XRCC1: variants seen among roughly 807,000 people sequenced by gnomAD.
XRCC1 encodes X-ray repair cross complementing 1.
A neutral mutation model predicts 83.3 loss-of-function variants in XRCC1; 52 were observed. That is an observed-to-expected ratio of 0.62 (90% CI 0.50 to 0.79). The LOEUF is 0.79. XRCC1 is among the 30% of genes least tolerant of loss of function. The pLI, the probability that XRCC1 is intolerant of heterozygous loss-of-function variation, is 0.00. For missense variants in XRCC1, 793 were observed against 823.5 expected (o/e 0.96, Z 0.45); for synonymous variants, 281 against 312.6 (o/e 0.90, Z 1.07).
intron 2 of XRCC1, among the ~76,000 whole-genome samples, chr19:43,564,249 G>A (rs939460): frequency 0.16 from 24,484 of 152,070 alleles, 2,059 homozygotes; most frequent in Non-Finnish European, 0.19. Context: ...ACAGACAGAC[G>A]CAGAACAGGC....
intron 1 of XRCC1, 73 bp from the exon 2 acceptor site, chr19:43,575,075 C>T (rs1317587689): frequency 1.6e-6 from 2 of 1,273,242 alleles, no homozygotes; most frequent in Non-Finnish European, 1.1e-6. Context: ...CAGATGATTC[C>T]TTTGAGTCCT....
chr19:43,559,726 G>T (rs112740111), intron 3 of XRCC1, among the ~76,000 whole-genome samples: 1 of 152,228 alleles, frequency 6.6e-6, no homozygotes, highest in African/African-American at 2.4e-5. Context: ...TGAAGATGTT[G>T]AAATGGGGGA....
chr19:43,543,476 G>A lies in XRCC1; in HGVS notation c.1818C>T (p.Phe606=), dbSNP rs765735154. Residue 606 remains phenylalanine, a synonymous_variant, in exon 17 of 17, where the codon TTC becomes TTT. Transcript: ENST00000262887. The stretch of plus-strand genomic sequence containing the variant: ...AACTGTAGATCCATCGGGGACGAAC[G>A]AATGCCAGGGAGGGGTTGTCCATCA... ...EALMDNPSLA[F]VRPRWIYSCN... is the part of the protein sequence containing the mutation. 6.8e-6 allele frequency: 11 copies of A among 1,613,632 alleles called. No homozygotes were observed. The highest frequency in any genetic ancestry group is 2.7e-5 in the African/African-American group (2 of 74,780).
chr19:43,566,593 A>G (rs542279511), intron 2 of XRCC1, among the ~76,000 whole-genome samples: 2 of 151,592 alleles, frequency 1.3e-5, no homozygotes, highest in South Asian at 4.2e-4. Flanking sequence ...ATGTTTATAC[A>G]TGGAGGCTGG....
In XRCC1 at chr19:43,574,993, C is replaced by T. The variant is rs1972841332; in HGVS notation, c.61G>A (p.Ala21Thr). The change falls in exon 2 of 17, where the codon GCA (alanine) becomes ACA (threonine). Residue 21 changes from alanine to threonine, a missense_variant. Physicochemically the swap from Ala to Thr is moderately conservative, Grantham distance 58 (BLOSUM62 0). Coordinates refer to ENST00000262887, the MANE Select transcript of XRCC1 (RefSeq NM_006297.3). ...GTGTCTGCCTTGAGAAGATTTTCTG[C>T]ACAGTGAGTCTGGAAACAACAGTGG... ...SCSSQDSTHC[A>T]ENLLKADTYR... 1 of 1,613,986 alleles carries T rather than the reference C, an allele frequency of 6.2e-7. No homozygotes were observed. The highest frequency in any genetic ancestry group is 1.3e-5 in the African/African-American group (1 of 75,018).
At chr19:43,566,062 CCT>C (rs918988676) in intron 2 of XRCC1, among the ~76,000 whole-genome samples, 1 of 152,040 alleles carries the variant, frequency 6.6e-6, no homozygotes, top group African/African-American at 2.4e-5. Flanking sequence ...ATGGTGAAAC[CCT>C]GTCTCTACTA....
chr19:43,554,267 C>T (rs964909994), intron 4 of XRCC1, among the ~76,000 whole-genome samples: 8 of 152,260 alleles, frequency 5.3e-5, no homozygotes, highest in Non-Finnish European at 7.4e-5. Context: ...GCCCAGAGAG[C>T]GTAAGTCACT....
chr19:43,547,564 T>C (rs1230997735), intron 10 of XRCC1, among the ~76,000 whole-genome samples: 2 of 146,970 alleles, frequency 1.4e-5, no homozygotes, highest in Admixed American at 6.8e-5. Context: ...CACTGCAACC[T>C]CCACCTCCCA....
intron 12 of XRCC1, among the ~76,000 whole-genome samples, 155 bp from the exon 13 acceptor site, chr19:43,546,261 T>C (rs1338747362): frequency 9.6e-5 from 12 of 125,640 alleles, no homozygotes; most frequent in Non-Finnish European, 1.0e-4. Context: ...CTCCCTCTGA[T>C]CCAGGAGTCC....
chr19:43,565,019 C>T (rs1194626648), intron 2 of XRCC1, among the ~76,000 whole-genome samples: 1 of 152,120 alleles, frequency 6.6e-6, no homozygotes, highest in African/African-American at 2.4e-5. Context: ...GCGCTGGCAT[C>T]ACTCCAGGCT....
intron 2 of XRCC1, chr19:43,574,650 C>T: frequency 2.2e-6 from 1 of 459,360 alleles, no homozygotes; most frequent in East Asian, 3.7e-5. Flanking sequence ...TTTGTTCCAG[C>T]TGAGGAAACT....
intron 3 of XRCC1, among the ~76,000 whole-genome samples, chr19:43,560,038 G>A (rs180934062): frequency 4.6e-5 from 7 of 151,950 alleles, no homozygotes; most frequent in African/African-American, 1.2e-4. Flanking sequence ...CTGAGAACAC[G>A]CCACTGTACT....
Position 43,552,119 on chromosome 19 carries a change from A to G in XRCC1, c.980T>C (p.Leu327Pro), listed in dbSNP as rs1972583131. Residue 327 changes from leucine to proline, a missense_variant, in exon 9 of 17, where the codon CTG becomes CCG. By Grantham distance (98) the Leu-to-Pro change is moderately conservative (BLOSUM62 -3). Coordinates refer to ENST00000262887, the MANE Select transcript of XRCC1 (RefSeq NM_006297.3). ...GKILQGVVVV[L>P]SGFQNPFRSE... ...GCGGAAGGGGTTCTGGAAGCCACTC[A>G]GCACCACTACCACACCCTGAAGGAT... The G allele has an allele frequency of 1.2e-6, 2 of 1,614,082 alleles. No individual in the cohort carries two copies. Among genetic ancestry groups the G allele is most frequent in the Middle Eastern group, 1.6e-4 (1 of 6,062 alleles).
Position 43,575,352 on chromosome 19 carries a change from A to G in XRCC1, c.51+56T>C. 9 of 1,538,518 alleles carry G rather than the reference A, an allele frequency of 5.8e-6. No homozygotes were observed. The South Asian group carries it at 9.7e-5, about 17-fold the overall frequency. ...AGAGAACCCCAAAAGCTCTTTTAAGAGCTATCCTCATTAATTCCCTCACGT... is the reference window on the plus strand; with the variant it reads ...AGAGAACCCCAAAAGCTCTTTTAAGGGCTATCCTCATTAATTCCCTCACGT... On this transcript the variant is annotated intron_variant, in intron 1 of 16. Transcript: ENST00000262887.
chr19:43,572,968 T>C (rs1783340948), intron 2 of XRCC1, among the ~76,000 whole-genome samples: 1 of 141,668 alleles, frequency 7.1e-6, no homozygotes, highest in South Asian at 2.3e-4. Context: ...AGTCTCACTC[T>C]GTCTCACAGG....
chr19:43,569,242 G>A (rs1021491605), intron 2 of XRCC1, among the ~76,000 whole-genome samples: 1 of 152,098 alleles, frequency 6.6e-6, no homozygotes, highest in Non-Finnish European at 1.5e-5. Context: ...AGAAGCTGAG[G>A]CAGGAGGAAT....
intron 2 of XRCC1, among the ~76,000 whole-genome samples, chr19:43,573,155 A>G (rs892648738): frequency 6.6e-6 from 1 of 151,870 alleles, no homozygotes; most frequent in African/African-American, 2.4e-5. Flanking sequence ...GCTGGTCTCA[A>G]ACTCCTGGGT....
At position 43,545,904 on chromosome 19, in the gene XRCC1, TC is replaced by T; in HGVS notation, c.1534del (p.Glu512LysfsTer66). 6.2e-7 allele frequency: 1 copy of T among 1,613,906 alleles called. No individual in the cohort carries two copies. The highest frequency in any genetic ancestry group is 8.5e-7 in the Non-Finnish European group (1 of 1,179,908). On this transcript the variant is annotated frameshift_variant, in exon 14 of 17. Transcript: ENST00000262887. LOFTEE classifies it high-confidence loss of function. The part of the protein sequence containing the change: ...RLPPGQEENG[E>X]DPYAGSTDEN... ...ATCCGTGGAGCCTGCATACGGGTCT[TC>T]CCCATTCTCCTCCTGGCCAGGGGGC...
intron 15 of XRCC1, 64 bp from the exon 16 acceptor site, chr19:43,543,751 C>T: frequency 2.7e-6 from 4 of 1,495,574 alleles, no homozygotes; most frequent in Non-Finnish European, 3.7e-6. Context: ...GTCCTACTCC[C>T]CAGCCACTCT....
Sources: gnomAD v4.1 joint callset for allele counts (sites outside exome capture counted in the v4.1 genomes callset) on GRCh38, gnomAD v4.1.1 for gene constraint, MANE v1.5 for transcripts, NCBI Gene and HGNC (gene_info 2026-07-23, HGNC 2026-07-21) for gene names.